SETBP1: variants seen among roughly 807,000 people sequenced by gnomAD.
The protein encoded by SETBP1 is SET-binding protein.
In SETBP1, 9 loss-of-function variants were observed where a neutral mutation model predicts 101.0. The ratio of observed to expected loss-of-function variants is 0.09; its 90% confidence interval spans 0.05 to 0.16. The LOEUF (loss-of-function observed/expected upper bound fraction) is 0.16. Ranked by LOEUF, SETBP1 falls within the 10% of genes least tolerant of loss-of-function variation. The pLI is 1.00. For missense variants in SETBP1, 1,858 were observed against 2,033.8 expected, an observed-to-expected ratio of 0.91 and a Z score of 1.66; for synonymous variants, 818 against 788.5, an observed-to-expected ratio of 1.04 and a Z score of -0.63.
chr18:44,979,415 G>A (rs766059446), intron 4 of SETBP1, among the ~76,000 whole-genome samples: 6 of 152,038 alleles, frequency 3.9e-5, no homozygotes, highest in East Asian at 1.9e-4. Context: ...ATAACATTTC[G>A]TTCAGTTCGA....
At chr18:44,788,048 T>C (rs914606363) in intron 2 of SETBP1, among the ~76,000 whole-genome samples, 1 of 150,882 alleles carries the variant, frequency 6.6e-6, no homozygotes, top group African/African-American at 2.4e-5. Flanking sequence ...GCTTTAGAGA[T>C]CAAAGATAAA....
intron 3 of SETBP1, among the ~76,000 whole-genome samples, chr18:44,888,163 C>G (rs1435118312): frequency 6.6e-6 from 1 of 152,062 alleles, no homozygotes; most frequent in Non-Finnish European, 1.5e-5. Flanking sequence ...ATTTCTACAC[C>G]AGGTTCCCAG....
Position 45,063,422 on chromosome 18 carries a change from C to T in SETBP1, c.4515C>T (p.Ile1505=). The change falls in exon 6 of 6, where the codon ATC becomes ATT. Residue 1505 remains isoleucine (I), a synonymous_variant. Transcript: ENST00000649279. ...VLEPAASQDT[I]MATIEAVIHM... ...AGCCCGCCGCCAGCCAAGACACCAT[C>T]ATGGCCACCATCGAGGCGGTCATCC... 1 of 1,519,856 alleles carries T rather than the reference C, an allele frequency of 6.6e-7. No homozygotes were observed. The allele number at this position is 1,519,856 out of a possible 1,614,324, so 94.1% of individuals were successfully genotyped here.
At chr18:44,707,514 T>G (rs989926657) in intron 2 of SETBP1, among the ~76,000 whole-genome samples, 1 of 152,212 alleles carries the variant, frequency 6.6e-6, no homozygotes, top group African/African-American at 2.4e-5. Context: ...ACCCATCAGG[T>G]GCCTGCCATG....
At chr18:44,758,175 G>C (rs889319008) in intron 2 of SETBP1, among the ~76,000 whole-genome samples, 3 of 152,150 alleles carry the variant, frequency 2.0e-5, no homozygotes, top group African/African-American at 7.2e-5. Context: ...TACTGAGGCA[G>C]CCGCTGATGT....
At chr18:44,785,432 G>T (rs1306697454) in intron 2 of SETBP1, among the ~76,000 whole-genome samples, 3 of 152,192 alleles carry the variant, frequency 2.0e-5, no homozygotes, top group African/African-American at 7.2e-5. Context: ...GGTAGTGGAT[G>T]TCACCTAGAT....
At chr18:44,834,162 T>G (rs1232136935) in intron 2 of SETBP1, among the ~76,000 whole-genome samples, 1 of 151,996 alleles carries the variant, frequency 6.6e-6, no homozygotes, top group Non-Finnish European at 1.5e-5. Flanking sequence ...CCGTTGTATA[T>G]AGATCTCCAA....
chr18:44,708,866 C>A, intron 2 of SETBP1, among the ~76,000 whole-genome samples: 1 of 152,300 alleles, frequency 6.6e-6, no homozygotes, highest in East Asian at 1.9e-4. Context: ...ATCAGCAGGG[C>A]AAGTGTTTCT....
At chr18:44,870,606 C>T (rs900790346) in intron 3 of SETBP1, 1 of 152,144 alleles carries the variant, frequency 6.6e-6, no homozygotes, top group African/African-American at 2.4e-5. Context: ...TCCAGTTGGG[C>T]TAAGGGAATG....
chr18:45,016,453 C>T (rs1257514074), intron 4 of SETBP1, among the ~76,000 whole-genome samples: 2 of 152,152 alleles, frequency 1.3e-5, no homozygotes, highest in Non-Finnish European at 2.9e-5. Context: ...GAGCATCCCA[C>T]AGAGTTCCCT....
intron 5 of SETBP1, among the ~76,000 whole-genome samples, chr18:45,057,306 C>T (rs1447546029): frequency 2.0e-5 from 3 of 151,904 alleles, no homozygotes; most frequent in Admixed American, 1.3e-4. Context: ...TCATTCTCCC[C>T]ATTAAAAATA....
At chr18:45,062,199 C>G (rs182492746) in intron 5 of SETBP1, among the ~76,000 whole-genome samples, 2 of 152,218 alleles carry the variant, frequency 1.3e-5, no homozygotes, top group Non-Finnish European at 2.9e-5. Context: ...GTGGCAGCAG[C>G]GCAGGACTTC....
intron 4 of SETBP1, among the ~76,000 whole-genome samples, chr18:44,955,717 C>T (rs1185430820): frequency 6.6e-6 from 1 of 152,140 alleles, no homozygotes; most frequent in Non-Finnish European, 1.5e-5. Context: ...TGCCTGCCAC[C>T]AAGCTAGTGA....
At chr18:44,868,380 T>C (rs895983213) in intron 2 of SETBP1, among the ~76,000 whole-genome samples, 3 of 152,074 alleles carry the variant, frequency 2.0e-5, no homozygotes, top group Admixed American at 6.5e-5. Flanking sequence ...GAGCTGATTT[T>C]TTTTTTGTTT....
At chr18:44,714,641 C>T (rs527838937) in intron 2 of SETBP1, among the ~76,000 whole-genome samples, 7 of 151,420 alleles carry the variant, frequency 4.6e-5, no homozygotes, top group African/African-American at 1.2e-4. Flanking sequence ...CACGTGTGAG[C>T]GCTCTCCTAT....
chr18:45,013,171 C>T (rs1262113540), intron 4 of SETBP1, among the ~76,000 whole-genome samples: 2 of 152,224 alleles, frequency 1.3e-5, no homozygotes, highest in Admixed American at 6.5e-5. Context: ...GCCCCAGGCC[C>T]TGCAGCCTCC....
intron 2 of SETBP1, among the ~76,000 whole-genome samples, chr18:44,829,533 G>A (rs2072311580): frequency 6.6e-6 from 1 of 152,132 alleles, no homozygotes; most frequent in Non-Finnish European, 1.5e-5. Flanking sequence ...CCATCAAGAA[G>A]AAGGCCGACC....
intron 4 of SETBP1, among the ~76,000 whole-genome samples, chr18:45,011,083 T>G (rs545855901): frequency 6.6e-6 from 1 of 152,260 alleles, no homozygotes; most frequent in East Asian, 1.9e-4. Flanking sequence ...GTTCTAGGAT[T>G]AAAGAGTCTA....
chr18:44,715,234 C>A (rs2069437187), intron 2 of SETBP1, among the ~76,000 whole-genome samples: 1 of 152,240 alleles, frequency 6.6e-6, no homozygotes, highest in South Asian at 2.1e-4. Context: ...ACTGCAGCTT[C>A]ATCCTGGAGA....
Sources: gnomAD v4.1 joint callset for allele counts (sites outside exome capture counted in the v4.1 genomes callset) on GRCh38, gnomAD v4.1.1 for gene constraint, MANE v1.5 for transcripts, NCBI Gene and HGNC (gene_info 2026-07-23, HGNC 2026-07-21) for gene names.